Variants in SPEN observed in about 807,000 individuals in gnomAD.
The protein encoded by SPEN is msx2-interacting protein.
SPEN carries 18 observed loss-of-function variants against 269.9 expected under a neutral mutation model. That is an observed-to-expected ratio of 0.07 (90% CI 0.05 to 0.10). The LOEUF is 0.10. Among genes scored for constraint, SPEN ranks in the 10% least tolerant of loss-of-function variants. The pLI, the probability that SPEN is intolerant of heterozygous loss-of-function variation, is 1.00. For missense variants in SPEN, 3,822 were observed against 4,631.2 expected, an observed-to-expected ratio of 0.83 and a Z score of 5.07; for synonymous variants, 1,726 against 1,765.7, an observed-to-expected ratio of 0.98 and a Z score of 0.56.
Position 15,916,173 on chromosome 1 carries a change from A to G in SPEN, c.1289A>G (p.Asp430Gly), listed in dbSNP as rs2071065396. Residue 430 changes from aspartate to glycine, a missense_variant, in exon 6 of 15, where the codon GAT (aspartate) becomes GGT (glycine). This residue lies in a region of SPEN where 230 missense variants were observed against 426.1 expected (regional missense o/e 0.54). Transcript: ENST00000375759. ...TTTCGCCCCTTGGATGAAAGGATAG[A>G]TGAATTTCACCCCAAAGCAACAAGA... is the stretch of plus-strand genomic sequence containing the variant. Reference protein sequence around the residue: ...NEFRPLDERIDEFHPKATRTL... With the variant: ...NEFRPLDERIGEFHPKATRTL... 6.2e-7 allele frequency: 1 copy of G among 1,613,502 alleles called. No individual in the cohort carries two copies. Among genetic ancestry groups the G allele is most frequent in the East Asian group, 2.2e-5 (1 of 44,824 alleles).
At chr1:15,870,315 A>G (rs1569985108) in intron 1 of SPEN, among the ~76,000 whole-genome samples, 1 of 152,186 alleles carries the variant, frequency 6.6e-6, no homozygotes, top group Non-Finnish European at 1.5e-5. Flanking sequence ...GTGGGTGGCT[A>G]TGTAATTTGC....
At chr1:15,889,719 T>G (rs1363114564) in intron 3 of SPEN, among the ~76,000 whole-genome samples, 4 of 152,162 alleles carry the variant, frequency 2.6e-5, no homozygotes, top group African/African-American at 9.7e-5. Context: ...CCTTTTTTTT[T>G]TCCCCATTAT....
intron 1 of SPEN, among the ~76,000 whole-genome samples, chr1:15,860,442 AGTGTGTGTGTGTGTGTGT>A (rs71574142): frequency 8.3e-6 from 1 of 120,032 alleles, no homozygotes; most frequent in African/African-American, 3.2e-5. Context: ...GTCCCACTGT[AGTGTGTGTGTGTGTGTGT>A]GTGTGTGTGT....
chr1:15,862,576 C>T (rs1232995506), intron 1 of SPEN, among the ~76,000 whole-genome samples: 3 of 152,148 alleles, frequency 2.0e-5, no homozygotes, highest in African/African-American at 4.8e-5. Flanking sequence ...TGGAATTTTT[C>T]TCCTCATAAT....
chr1:15,883,660 G>C (rs2070709682), intron 3 of SPEN, among the ~76,000 whole-genome samples: 1 of 151,800 alleles, frequency 6.6e-6, no homozygotes, highest in Non-Finnish European at 1.5e-5. Context: ...TAATTGAAAG[G>C]GAAATGAAAG....
rs201414708 is a variant in SPEN, at chr1:15,934,475, G to A, written c.8235G>A (p.Ala2745=). 78 of 1,614,064 alleles carry A rather than the reference G, an allele frequency of 4.8e-5. No individual in the cohort carries two copies. Among genetic ancestry groups the A allele is most frequent in the Non-Finnish European group, 5.9e-5 (70 of 1,180,050 alleles). The change falls in exon 11 of 15, where the codon GCG becomes GCA. Residue 2745 remains alanine (A), a synonymous_variant. Transcript: ENST00000375759. This position sits in a 1 kb window ranked among gnomAD's most constrained non-coding sequence, Gnocchi z 9.2. ...GTGCAGTGACCGTCACAGCGGGTGC[G>A]GTTACTGCTGCATCTGGTGGTGTAA... is the stretch of plus-strand genomic sequence containing the variant. ...TASAVTVTAG[A]VTAASGGVTA...
intron 1 of SPEN, among the ~76,000 whole-genome samples, chr1:15,867,894 C>T (rs554675215): frequency 1.9e-4 from 29 of 152,104 alleles, no homozygotes; most frequent in Middle Eastern, 3.4e-3. Context: ...TGTGCAATGG[C>T]GTGATCTCAG....
chr1:15,913,439 GT>G (rs2071029366), intron 5 of SPEN, among the ~76,000 whole-genome samples: 1 of 151,986 alleles, frequency 6.6e-6, no homozygotes, highest in Admixed American at 6.6e-5. Context: ...GCTGAGCGTG[GT>G]GGCTCACACC....
Position 15,936,049 on chromosome 1 carries a change from T to C in SPEN, c.9809T>C (p.Leu3270Pro). Residue 3270 changes from leucine (L) to proline (P), a missense_variant, in exon 11 of 15, where the codon CTC becomes CCC. Leu to Pro is a moderately conservative substitution (Grantham distance 98, BLOSUM62 -3). Around this residue, in one of 16 missense-constraint regions of SPEN, gnomAD observed 359 missense variants for 377.3 expected, o/e 0.95. Coordinates refer to ENST00000375759, the MANE Select transcript of SPEN (RefSeq NM_015001.3). ...GCCCCTCATGGTGAGGCCCGTATCC[T>C]CACAGTTACCCCCAGTAACCAACTC... ...APAPHGEARI[L>P]TVTPSNQLQG... 1 of 1,560,090 alleles carries C rather than the reference T, an allele frequency of 6.4e-7. No individual in the cohort carries two copies. The highest frequency in any genetic ancestry group is 8.7e-7 in the Non-Finnish European group (1 of 1,148,632).
At position 15,930,961 on chromosome 1, in the gene SPEN, A is replaced by C. The variant is rs757086603; in HGVS notation, c.4721A>C (p.Asp1574Ala). Residue 1574 changes from aspartate to alanine, a missense_variant, in exon 11 of 15, where the codon GAT (aspartate) becomes GCT (alanine). Physicochemically the swap from Asp to Ala is moderately radical, Grantham distance 126. This residue lies in a region of SPEN where 533 missense variants were observed against 618.8 expected (regional missense o/e 0.86). Transcript: ENST00000375759. The surrounding 1 kb of genome is among the most constrained non-coding windows in gnomAD (Gnocchi z 5.3). ...TCTGAGGGAGCAAACAGCACAACTGATTCCATTCAAGAACCAGTAGTTCTG... is the reference window on the plus strand; with the variant it reads ...TCTGAGGGAGCAAACAGCACAACTGCTTCCATTCAAGAACCAGTAGTTCTG... ...QTSEGANSTT[D>A]SIQEPVVLFH... 1.9e-6 allele frequency: 3 copies of C among 1,614,154 alleles called. No homozygotes were observed. In the East Asian group the frequency reaches 6.7e-5, roughly 36 times the overall value.
Position 15,939,492 on chromosome 1 carries a change from C to A in SPEN, c.*65C>A. 1 of 1,463,212 alleles carries A rather than the reference C, an allele frequency of 6.8e-7. No homozygotes were observed. Among genetic ancestry groups the A allele is most frequent in the Non-Finnish European group, 9.1e-7 (1 of 1,100,846 alleles). The allele number at this position is 1,463,212 out of a possible 1,614,324, so 90.6% of individuals were successfully genotyped here. A position where few individuals can be genotyped will look rare whatever the true frequency, so the allele number is the denominator to read the frequency against. ...CTCTGCAGTAAAAACAAAGGACAAC[C>A]CAGCCAAGCAGAGGAAGAAGCTGCC... On this transcript the variant is annotated 3_prime_UTR_variant, in exon 15 of 15. Transcript: ENST00000375759. The surrounding 1 kb of genome is among the most constrained non-coding windows in gnomAD (Gnocchi z 4.1).
rs193113419 is a variant in SPEN at position 15,872,558 on chromosome 1, C to T, written c.84-258C>T. Among the ~76,000 whole-genome samples the T allele has an allele frequency of 3.2e-3, 477 of 150,302 alleles. 1 individual carries two copies. The highest frequency in any genetic ancestry group is 0.011 in the African/African-American group (434 of 40,802). On this transcript the variant is annotated intron_variant, in intron 1 of 14. Coordinates refer to ENST00000375759, the MANE Select transcript of SPEN (RefSeq NM_015001.3). ...GAGCTTGCAGTGAGCTGAGATTGTG[C>T]CACTGCACTCCAGCCTGGGCAACAG...
Position 15,861,435 on chromosome 1 carries a change from A to G in SPEN, c.84-11381A>G, listed in dbSNP as rs1217559873. 2.0e-5 allele frequency among the ~76,000 whole-genome samples: 3 copies of G among 152,054 alleles called. No homozygotes were observed. The East Asian group carries it at 5.8e-4, about 29-fold the overall frequency. On this transcript the variant is annotated intron_variant, in intron 1 of 14. Transcript: ENST00000375759. The stretch of plus-strand genomic sequence containing the variant: ...GTGAGCCAGCGTGCCTGGCCCAGAT[A>G]CTTTTTTATGGAGTAAGGATAAAAG...
At chr1:15,889,379 C>A (rs1020436944) in intron 3 of SPEN, among the ~76,000 whole-genome samples, 1 of 151,568 alleles carries the variant, frequency 6.6e-6, no homozygotes, top group Non-Finnish European at 1.5e-5. Context: ...TTGGTCAGAC[C>A]GGTGTCAAAC....
rs746697426 is a variant in SPEN at position 15,933,343 on chromosome 1, C to A, written c.7103C>A (p.Ala2368Asp). The A allele has an allele frequency of 6.2e-7, 1 of 1,613,986 alleles. No individual in the cohort carries two copies. Among genetic ancestry groups the A allele is most frequent in the Admixed American group, 1.7e-5 (1 of 59,998 alleles). The change falls in exon 11 of 15, where the codon GCT becomes GAT. Residue 2368 changes from alanine to aspartate, a missense_variant. Around this residue, in one of 16 missense-constraint regions of SPEN, gnomAD observed 727 missense variants for 737.9 expected, o/e 0.99. Transcript: ENST00000375759. This position sits in a 1 kb window ranked among gnomAD's most constrained non-coding sequence, Gnocchi z 5.7. ...ESNQAQGESP[A>D]ANEGTTVQHP... ...AACCAAGCTCAAGGTGAGAGTCCTG[C>A]TGCAAATGAGGGGACAACAGTACAG...
rs1479691293 is a variant in SPEN, at chr1:15,934,593, T to A, written c.8353T>A (p.Phe2785Ile). ...QRASANENSR[F>I]HPGSMPVIDD... is the part of the protein sequence containing the mutation. ...AGCGAGTGCTAATGAAAACAGTCGG[T>A]TCCACCCAGGGTCCATGCCTGTGAT... The change falls in exon 11 of 15, where the codon TTC (phenylalanine) becomes ATC (isoleucine). Residue 2785 changes from phenylalanine to isoleucine, a missense_variant. Coordinates refer to ENST00000375759, the MANE Select transcript of SPEN (RefSeq NM_015001.3). This position sits in a 1 kb window ranked among gnomAD's most constrained non-coding sequence, Gnocchi z 9.2. The A allele has an allele frequency of 6.2e-7, 1 of 1,614,102 alleles. No individual in the cohort carries two copies. The highest frequency in any genetic ancestry group is 8.5e-7 in the Non-Finnish European group (1 of 1,180,006).
rs1230235148 is a variant in SPEN at position 15,929,820 on chromosome 1, A to T, written c.3580A>T (p.Ser1194Cys). Residue 1194 changes from serine to cysteine, a missense_variant, in exon 11 of 15, where the codon AGT (serine) becomes TGT (cysteine). Transcript: ENST00000375759. The surrounding 1 kb of genome is among the most constrained non-coding windows in gnomAD (Gnocchi z 5.8). ...AATAGCCAAGTCTGAGAAGTTTGGC[A>T]GTCCTAAAAAAGATGTAGATGAATA... is the stretch of plus-strand genomic sequence containing the variant. ...MEIAKSEKFG[S>C]PKKDVDEYER... 1 of 1,614,204 alleles carries T rather than the reference A, an allele frequency of 6.2e-7. No homozygotes were observed. The highest frequency in any genetic ancestry group is 8.5e-7 in the Non-Finnish European group (1 of 1,180,052).
In SPEN at chr1:15,928,083, T is replaced by C. The variant is rs2071184733; in HGVS notation, c.1851-8T>C. On this transcript the variant is annotated splice_polypyrimidine_tract_variant and splice_region_variant and intron_variant, in intron 10 of 14. Transcript: ENST00000375759. The surrounding 1 kb of genome is among the most constrained non-coding windows in gnomAD (Gnocchi z 5.7). ...AAAAGAACTAATATCTTTGTTATTTTTTGGCAGAGAGGAACGAAGGGCATC... is the reference window on the plus strand; with the variant it reads ...AAAAGAACTAATATCTTTGTTATTTCTTGGCAGAGAGGAACGAAGGGCATC... 3 of 1,577,682 alleles carry C rather than the reference T, an allele frequency of 1.9e-6. No individual in the cohort carries two copies. Among genetic ancestry groups the C allele is most frequent in the African/African-American group, 2.7e-5 (2 of 73,470 alleles).
At chr1:15,884,701 C>CTTTCCT (rs372105964) in intron 3 of SPEN, among the ~76,000 whole-genome samples, 1,909 of 150,456 alleles carry the variant, frequency 0.013, 38 homozygotes, top group African/African-American at 0.044. Flanking sequence ...AAGTCAATTC[C>CTTTCCT]TTTCCTTTTC....
Sources: gnomAD v4.1 joint callset for allele counts (sites outside exome capture counted in the v4.1 genomes callset) on GRCh38, gnomAD v4.1.1 for gene constraint, gnomAD v4.1.1 regional missense constraint, Gnocchi (gnomAD v3.1) non-coding constraint, MANE v1.5 for transcripts, NCBI Gene and HGNC (gene_info 2026-07-23, HGNC 2026-07-21) for gene names.